Variants in MTDH observed in about 807,000 individuals in gnomAD.
The protein encoded by MTDH is protein LYRIC.
In MTDH, 34 loss-of-function variants were observed where a neutral mutation model predicts 72.7. The ratio of observed to expected loss-of-function variants is 0.47; its 90% CI spans 0.36 to 0.62. The LOEUF (loss-of-function observed/expected upper bound fraction) is 0.62, where lower values mean the gene tolerates loss of function less well. Among genes scored for constraint, MTDH ranks in the 20% least tolerant of loss-of-function variants. The pLI, the probability that MTDH is intolerant of heterozygous loss-of-function variation, is 0.00. For missense variants in MTDH, 677 were observed against 699.4 expected (o/e 0.97, Z 0.36); for synonymous variants, 266 against 268.9 (o/e 0.99, Z 0.10).
chr8:97,688,464 G>A (rs562261496), intron 4 of MTDH, among the ~76,000 whole-genome samples: 2 of 151,946 alleles, frequency 1.3e-5, no homozygotes, highest in East Asian at 1.9e-4. Flanking sequence ...ATTCTTTTTC[G>A]CTGTCTTGTG....
intron 7 of MTDH, among the ~76,000 whole-genome samples, chr8:97,700,588 T>C (rs1240619726): frequency 1.3e-5 from 2 of 152,194 alleles, no homozygotes; most frequent in Non-Finnish European, 2.9e-5. Context: ...AGGTGTTCGG[T>C]GGTAATAATA....
At chr8:97,724,533 A>G (rs766264640) in intron 11 of MTDH, 67 bp from the exon 12 acceptor site, 8 of 1,060,106 alleles carry the variant, frequency 7.5e-6, no homozygotes, top group Non-Finnish European at 1.1e-5. Context: ...CTTTTATATT[A>G]TTGAGACGTA....
At chr8:97,681,187 A>C (rs540785468) in intron 2 of MTDH, among the ~76,000 whole-genome samples, 149 of 152,304 alleles carry the variant, frequency 9.8e-4, no homozygotes, top group African/African-American at 3.6e-3. Context: ...CAGATGATTC[A>C]GGTGCAAAGA....
chr8:97,686,275 T>C (rs747490875), intron 2 of MTDH, among the ~76,000 whole-genome samples: 3 of 152,190 alleles, frequency 2.0e-5, no homozygotes, highest in Non-Finnish European at 4.4e-5. Context: ...TATATTAGCA[T>C]GATGTGGAAG....
chr8:97,716,155 G>T (rs553564403), intron 9 of MTDH, among the ~76,000 whole-genome samples: 2 of 152,150 alleles, frequency 1.3e-5, no homozygotes, highest in Non-Finnish European at 2.9e-5. Context: ...GGGAGGCCAC[G>T]GCGGGTGGAT....
chr8:97,651,557 C>G (rs1311403782), intron 1 of MTDH, among the ~76,000 whole-genome samples: 1 of 152,210 alleles, frequency 6.6e-6, no homozygotes, highest in African/African-American at 2.4e-5. Context: ...TGCAGAGTGA[C>G]TTTGCAGCTC....
intron 2 of MTDH, among the ~76,000 whole-genome samples, chr8:97,672,823 C>T (rs1361891527): frequency 6.6e-6 from 1 of 152,266 alleles, no homozygotes; most frequent in South Asian, 2.1e-4. Flanking sequence ...AGATAAAAGG[C>T]GTTCTTAAGA....
At chr8:97,697,153 T>A (rs1308499124) in intron 6 of MTDH, among the ~76,000 whole-genome samples, 2 of 118,076 alleles carry the variant, frequency 1.7e-5, no homozygotes, top group African/African-American at 7.0e-5. Flanking sequence ...TATATATATT[T>A]TTTTTTTGTG....
chr8:97,719,266 G>C, intron 10 of MTDH, 77 bp downstream of exon 10: 6 of 1,484,608 alleles, frequency 4.0e-6, no homozygotes, highest in Non-Finnish European at 5.5e-6. Context: ...AGGCCAAGGT[G>C]GGCAGGTCAT....
intron 2 of MTDH, among the ~76,000 whole-genome samples, chr8:97,682,402 G>C (rs538325680): frequency 7.2e-6 from 1 of 138,424 alleles, no homozygotes. Context: ...AGGTTCAAGC[G>C]ATTCTCCTGC....
At chr8:97,673,064 T>TA (rs1470061320) in intron 2 of MTDH, among the ~76,000 whole-genome samples, 3 of 152,210 alleles carry the variant, frequency 2.0e-5, no homozygotes, top group Non-Finnish European at 4.4e-5. Flanking sequence ...TTTCATTGGT[T>TA]ACTCATAAAT....
rs1291189772 is a variant in MTDH at position 97,728,367 on chromosome 8, A to G, written c.*3697A>G. 2 of 152,228 alleles carry G rather than the reference A, an allele frequency of 1.3e-5. No individual in the cohort carries two copies. The highest frequency in any genetic ancestry group is 2.4e-5 in the African/African-American group (1 of 41,476). The allele number at this position is 152,228 out of a possible 1,614,324, so 9.4% of individuals were successfully genotyped here. On this transcript the variant is annotated 3_prime_UTR_variant, in exon 12 of 12. Coordinates refer to ENST00000336273, the MANE Select transcript of MTDH (RefSeq NM_178812.4). ...TTTTTGTTGTTGTTTTCCTAAAACC[A>G]TAGGTGCAAGCTTTGCCGCTGGGAA...
rs55848167 is a variant in MTDH at position 97,705,221 on chromosome 8, C to T, written c.1148-1405C>T. ...CTGAGGCAGGAGAATCGCTTGAACC[C>T]GGGAGGCGGAGGTTGCAGTGAGCCG... On this transcript the variant is annotated intron_variant, in intron 7 of 11. Transcript: ENST00000336273. Among the ~76,000 whole-genome samples, 943 of 141,676 alleles carry T rather than the reference C, an allele frequency of 6.7e-3. 9 individuals are homozygous for T. Among genetic ancestry groups the T allele is most frequent in the African/African-American group, 0.023 (876 of 38,166 alleles). 92.9% of individuals were successfully genotyped at this position (141,676 alleles called of 152,430 possible). A position where few individuals can be genotyped will look rare whatever the true frequency, so the allele number is the denominator to read the frequency against.
At position 97,699,828 on chromosome 8, in the gene MTDH, A is replaced by G. The variant is rs1325749651; in HGVS notation, c.1123A>G (p.Ile375Val). 6.2e-7 allele frequency: 1 copy of G among 1,612,192 alleles called. No individual in the cohort carries two copies. The highest frequency in any genetic ancestry group is 1.3e-5 in the African/African-American group (1 of 74,994). The change falls in exon 7 of 12, where the codon ATC becomes GTC. Residue 375 changes from isoleucine (I) to valine (V), a missense_variant. Around this residue, in one of 3 missense-constraint regions of MTDH, gnomAD observed 467 missense variants for 469.1 expected, o/e 1.00. Coordinates refer to ENST00000336273, the MANE Select transcript of MTDH (RefSeq NM_178812.4). ...GGATGTTAGCCGTAATCAACCCTAT[A>G]TCGATGATGAATGGTCTGGGTTAAG... The part of the protein sequence containing the change: ...QWDVSRNQPY[I>V]DDEWSGLNGL...
At chr8:97,654,629 A>G (rs905217889) in intron 1 of MTDH, among the ~76,000 whole-genome samples, 1 of 151,808 alleles carries the variant, frequency 6.6e-6, no homozygotes, top group Non-Finnish European at 1.5e-5. Context: ...ATAGGTATAC[A>G]TGTGCCATGG....
At chr8:97,684,972 C>G (rs897428603) in intron 2 of MTDH, among the ~76,000 whole-genome samples, 2 of 151,976 alleles carry the variant, frequency 1.3e-5, no homozygotes, top group Admixed American at 6.6e-5. Context: ...AGGCTGAGGC[C>G]GGAGAATTGC....
intron 9 of MTDH, among the ~76,000 whole-genome samples, chr8:97,714,889 G>A (rs1462626088): frequency 6.6e-6 from 1 of 151,174 alleles, no homozygotes; most frequent in Non-Finnish European, 1.5e-5. Flanking sequence ...GCAGTAGTGC[G>A]ATCTCAGCTC....
chr8:97,711,911 A>T (rs1814655262), intron 8 of MTDH, among the ~76,000 whole-genome samples: 1 of 152,240 alleles, frequency 6.6e-6, no homozygotes, highest in African/African-American at 2.4e-5. Context: ...CAAAACTGCA[A>T]ATAAGGGGGA....
At chr8:97,716,572 C>G (rs1257822976) in intron 9 of MTDH, among the ~76,000 whole-genome samples, 1 of 151,132 alleles carries the variant, frequency 6.6e-6, no homozygotes, top group Non-Finnish European at 1.5e-5. Flanking sequence ...CCTGTAGTCC[C>G]AGCTACTTGT....
Sources: gnomAD v4.1 joint callset for allele counts (sites outside exome capture counted in the v4.1 genomes callset) on GRCh38, gnomAD v4.1.1 for gene constraint, gnomAD v4.1.1 regional missense constraint, MANE v1.5 for transcripts, NCBI Gene and HGNC (gene_info 2026-07-23, HGNC 2026-07-21) for gene names.